The following UHRF2 variants were observed in gnomAD, a reference collection of about 807,000 sequenced individuals.
UHRF2 encodes the protein ubiquitin like with PHD and ring finger domains 2.
Under a neutral mutation model 96.8 loss-of-function variants are expected in UHRF2, and 23 were observed. The ratio of observed to expected loss-of-function variants is 0.24; its 90% CI spans 0.17 to 0.34. The LOEUF is 0.34. Ranked by LOEUF, UHRF2 falls within the 10% of genes least tolerant of loss-of-function variation. The pLI is 1.00. For synonymous variants in UHRF2, 385 were observed against 332.6 expected, an observed-to-expected ratio of 1.16 and a Z score of -1.72; for missense variants, 685 against 981.5, an observed-to-expected ratio of 0.70 and a Z score of 4.04.
chr9:6,446,113 C>G (rs1004673481), intron 3 of UHRF2, among the ~76,000 whole-genome samples: 4 of 151,424 alleles, frequency 2.6e-5, no homozygotes, highest in Admixed American at 1.3e-4. Flanking sequence ...CTGCCTTAGC[C>G]TCCTAAGTAA....
At chr9:6,452,902 G>A (rs1821957143) in intron 3 of UHRF2, among the ~76,000 whole-genome samples, 1 of 152,182 alleles carries the variant, frequency 6.6e-6, no homozygotes, top group South Asian at 2.1e-4. Flanking sequence ...TGTAGCTGAA[G>A]ATGCCCAGGA....
At chr9:6,472,616 T>C (rs10975601) in intron 4 of UHRF2, among the ~76,000 whole-genome samples, 41 of 152,344 alleles carry the variant, frequency 2.7e-4, no homozygotes, top group Admixed American at 2.5e-3. Context: ...ATTTAAAATA[T>C]TTTTACATTT....
intron 1 of UHRF2, among the ~76,000 whole-genome samples, chr9:6,414,932 T>A (rs192656137): frequency 6.6e-6 from 1 of 152,238 alleles, no homozygotes; most frequent in African/African-American, 2.4e-5. Context: ...AGTTGTAAGC[T>A]TTGCTTTTGA....
At chr9:6,481,114 A>G (rs867320160) in intron 6 of UHRF2, among the ~76,000 whole-genome samples, 13 of 152,222 alleles carry the variant, frequency 8.5e-5, no homozygotes, top group African/African-American at 2.4e-4. Context: ...AGGGTAATCA[A>G]TTACAAATAG....
At chr9:6,470,725 A>C (rs1823195296) in intron 4 of UHRF2, among the ~76,000 whole-genome samples, 1 of 152,344 alleles carries the variant, frequency 6.6e-6, no homozygotes, top group South Asian at 2.1e-4. Flanking sequence ...AAGTAGTGAA[A>C]GTAAAATTTA....
intron 4 of UHRF2, among the ~76,000 whole-genome samples, chr9:6,474,092 A>C (rs764221151): frequency 6.6e-6 from 1 of 152,290 alleles, no homozygotes; most frequent in African/African-American, 2.4e-5. Context: ...ACTTCGGAGG[A>C]CATGAAGTTG....
At chr9:6,444,606 T>C (rs1305197854) in intron 3 of UHRF2, among the ~76,000 whole-genome samples, 1 of 150,564 alleles carries the variant, frequency 6.6e-6, no homozygotes, top group Non-Finnish European at 1.5e-5. Flanking sequence ...AAGAATCCGC[T>C]TTTTTTTTGG....
chr9:6,489,531 G>A (rs952488932), intron 9 of UHRF2, among the ~76,000 whole-genome samples: 2 of 152,100 alleles, frequency 1.3e-5, no homozygotes, highest in African/African-American at 2.4e-5. Flanking sequence ...TGTTCCTATC[G>A]GCAGTATATG....
intron 14 of UHRF2, 66 bp from the exon 15 acceptor site, chr9:6,504,527 G>A: frequency 9.6e-7 from 1 of 1,045,592 alleles, no homozygotes; most frequent in East Asian, 2.6e-5. Flanking sequence ...ATACACAGTA[G>A]ATGAATTTTA....
chr9:6,493,692 C>T (rs1481674817), intron 9 of UHRF2, 134 bp from the exon 10 acceptor site: 2 of 682,722 alleles, frequency 2.9e-6, no homozygotes, highest in African/African-American at 1.8e-5. Flanking sequence ...TTAAATTTTG[C>T]ATTATTTTGG....
intron 4 of UHRF2, among the ~76,000 whole-genome samples, chr9:6,461,997 T>TAA (rs60874824): frequency 4.8e-5 from 7 of 145,974 alleles, no homozygotes; most frequent in African/African-American, 1.8e-4. Context: ...TTTTTGTTTT[T>TAA]AAAAAAAAAA....
intron 8 of UHRF2, among the ~76,000 whole-genome samples, chr9:6,485,485 G>A (rs1237693878): frequency 6.6e-6 from 1 of 151,804 alleles, no homozygotes; most frequent in East Asian, 1.9e-4. Flanking sequence ...TTTTGGCCAG[G>A]GTTGATGAGG....
At chr9:6,482,836 T>A (rs923509694) in intron 8 of UHRF2, among the ~76,000 whole-genome samples, 1 of 152,186 alleles carries the variant, frequency 6.6e-6, no homozygotes, top group African/African-American at 2.4e-5. Flanking sequence ...AACCTCGTGA[T>A]CCACCTGCCT....
chr9:6,494,324 C>G (rs1170852870), intron 10 of UHRF2: 3 of 172,526 alleles, frequency 1.7e-5, no homozygotes, highest in African/African-American at 7.2e-5. Context: ...TTGGGAGCCA[C>G]ATTTATGTAC....
intron 1 of UHRF2, among the ~76,000 whole-genome samples, chr9:6,417,317 A>G (rs1421733971): frequency 6.6e-6 from 1 of 152,228 alleles, no homozygotes; most frequent in African/African-American, 2.4e-5. Context: ...TATTGTAAAT[A>G]CTGCATCTCC....
At chr9:6,474,732 T>G (rs1174321520) in intron 4 of UHRF2, among the ~76,000 whole-genome samples, 1 of 151,812 alleles carries the variant, frequency 6.6e-6, no homozygotes. Flanking sequence ...AACAAATAAA[T>G]AAATGGAGAA....
intron 4 of UHRF2, among the ~76,000 whole-genome samples, chr9:6,465,641 T>C (rs1425435071): frequency 1.3e-5 from 2 of 152,214 alleles, no homozygotes; most frequent in Non-Finnish European, 2.9e-5. Flanking sequence ...ATTTCTGAAT[T>C]TAGTTTGTGA....
intron 3 of UHRF2, among the ~76,000 whole-genome samples, chr9:6,453,423 GA>G (rs1156437582): frequency 6.6e-6 from 1 of 152,128 alleles, no homozygotes; most frequent in Non-Finnish European, 1.5e-5. Flanking sequence ...GCTGAGAAAG[GA>G]ATATTATCTG....
At chr9:6,488,272 A>G (rs1824431834) in intron 9 of UHRF2, among the ~76,000 whole-genome samples, 1 of 78,338 alleles carries the variant, frequency 1.3e-5, no homozygotes, top group African/African-American at 9.9e-5. Flanking sequence ...AAAAAAAAAA[A>G]AAAAAAAAAA....
Sources: gnomAD v4.1 joint callset for allele counts (sites outside exome capture counted in the v4.1 genomes callset) on GRCh38, gnomAD v4.1.1 for gene constraint, MANE v1.5 for transcripts, NCBI Gene and HGNC (gene_info 2026-07-23, HGNC 2026-07-21) for gene names.